STK32A: variants seen among roughly 807,000 people sequenced by gnomAD.
The protein encoded by STK32A is serine/threonine kinase 32A, also known as serine/threonine-protein kinase 32A.
STK32A carries 41 observed loss-of-function variants against 53.2 expected under a neutral mutation model. That is an observed-to-expected ratio of 0.77 (90% confidence interval 0.60 to 1.00). The LOEUF (loss-of-function observed/expected upper bound fraction) is 1.00. STK32A is among the 50% of genes least tolerant of loss of function. STK32A has a pLI of 0.00. For synonymous variants in STK32A, 166 were observed against 162.8 expected (o/e 1.02, Z -0.15); for missense variants, 458 against 485.8 (o/e 0.94, Z 0.54).
intron 1 of STK32A, among the ~76,000 whole-genome samples, chr5:147,238,169 A>T (rs939254601): frequency 6.6e-6 from 1 of 152,250 alleles, no homozygotes; most frequent in African/African-American, 2.4e-5. Flanking sequence ...TTTGTACAAA[A>T]TCTAGACCTT....
chr5:147,389,043 T>C (rs1051984991), downstream of STK32A, among the ~76,000 whole-genome samples: 1 of 152,186 alleles, frequency 6.6e-6, no homozygotes, highest in African/African-American at 2.4e-5. Flanking sequence ...AATTAATTCT[T>C]TATGCACTTA....
chr5:147,276,227 C>T (rs775104916), intron 2 of STK32A, among the ~76,000 whole-genome samples: 17 of 152,084 alleles, frequency 1.1e-4, no homozygotes, highest in East Asian at 1.9e-4. Flanking sequence ...ATTCTGACCA[C>T]AACCCAAGGT....
chr5:147,373,115 T>G (rs2152004382), intron 9 of STK32A, 54 bp from the exon 10 acceptor site: 1 of 1,599,460 alleles, frequency 6.3e-7, no homozygotes, highest in East Asian at 2.2e-5. Flanking sequence ...TGTATGATTT[T>G]TTTTTGTCCT....
downstream of STK32A, among the ~76,000 whole-genome samples, chr5:147,389,951 G>A (rs1306187854): frequency 6.6e-6 from 1 of 152,186 alleles, no homozygotes; most frequent in Non-Finnish European, 1.5e-5. Context: ...AAGAAGCAAC[G>A]CTCTGATGTC....
chr5:147,298,375 A>T (rs1752970002), intron 4 of STK32A, among the ~76,000 whole-genome samples: 1 of 152,200 alleles, frequency 6.6e-6, no homozygotes, highest in Non-Finnish European at 1.5e-5. Flanking sequence ...CTCTCACTCA[A>T]TTTGGTTCTA....
chr5:147,252,112 A>G (rs550942203), intron 2 of STK32A, among the ~76,000 whole-genome samples: 2 of 152,166 alleles, frequency 1.3e-5, no homozygotes, highest in South Asian at 4.2e-4. Flanking sequence ...GCACCACTGC[A>G]CACTAGCCTG....
At position 147,386,331 on chromosome 5, in the gene STK32A, C is replaced by G. The variant is rs1384102547; in HGVS notation, c.*2348C>G. Reference sequence around the variant, plus strand: ...GTAACCCCACGAGTGTCAGGGACTACTTGCATGTTTACTTCTATCCTTCAT... The same window carrying G: ...GTAACCCCACGAGTGTCAGGGACTAGTTGCATGTTTACTTCTATCCTTCAT... On this transcript the variant is annotated 3_prime_UTR_variant, in exon 13 of 13. Coordinates refer to ENST00000397936, the MANE Select transcript of STK32A (RefSeq NM_001112724.2). 1 of 152,220 alleles carries G rather than the reference C, an allele frequency of 6.6e-6. No individual in the cohort carries two copies. The highest frequency in any genetic ancestry group is 1.9e-4 in the East Asian group (1 of 5,202). The allele number at this position is 152,220 out of a possible 1,614,324, so 9.4% of individuals were successfully genotyped here. A position where few individuals can be genotyped will look rare whatever the true frequency, so the allele number is the denominator to read the frequency against.
intron 6 of STK32A, among the ~76,000 whole-genome samples, chr5:147,347,356 T>A (rs1581122848): frequency 6.7e-6 from 1 of 148,898 alleles, no homozygotes; most frequent in Non-Finnish European, 1.5e-5. Flanking sequence ...TCTCCTAGAG[T>A]GGTAAATTAG....
intron 4 of STK32A, among the ~76,000 whole-genome samples, chr5:147,288,090 A>G (rs1011793966): frequency 1.3e-5 from 2 of 152,200 alleles, no homozygotes; most frequent in African/African-American, 4.8e-5. Flanking sequence ...ATAACATGAC[A>G]TATAACCTAT....
intron 2 of STK32A, among the ~76,000 whole-genome samples, chr5:147,261,352 G>T (rs1339889771): frequency 6.6e-6 from 1 of 152,194 alleles, no homozygotes; most frequent in Non-Finnish European, 1.5e-5. Context: ...AGGGGAAGGG[G>T]TTCTTATCTC....
Position 147,340,821 on chromosome 5 carries a change from G to T in STK32A, c.435-2185G>T, listed in dbSNP as rs150305196. ...GCTTTCTCATCCTCTCCATCCCGAG[G>T]GAACTATGTCTCATTTATCTTTAGG... On this transcript the variant is annotated intron_variant, in intron 5 of 12. Transcript: ENST00000397936. Among the ~76,000 whole-genome samples, 157 of 152,114 alleles carry T rather than the reference G, an allele frequency of 1.0e-3. 1 individual carries two copies. The highest frequency in any genetic ancestry group is 3.7e-3 in the African/African-American group (152 of 41,514).
intron 2 of STK32A, among the ~76,000 whole-genome samples, chr5:147,253,614 TCAAGGTGCTGGGA>T (rs887399259): frequency 1.3e-5 from 2 of 152,120 alleles, no homozygotes; most frequent in African/African-American, 4.8e-5. Context: ...CCTCAGCCTC[TCAAGGTGCTGGGA>T]TTACAGGCAT....
At chr5:147,370,509 T>C in intron 8 of STK32A, 145 bp from the exon 9 acceptor site, 1 of 475,096 alleles carries the variant, frequency 2.1e-6, no homozygotes, top group Non-Finnish European at 3.8e-6. Flanking sequence ...CACCTACACA[T>C]ATGGCAACGC....
rs557028072 is a variant in STK32A at position 147,383,273 on chromosome 5, T to C, written c.1033-168T>C. On this transcript the variant is annotated intron_variant, in intron 11 of 12. Transcript: ENST00000397936. ...GACAGATTCCTGGTGCTTCCTGTTT[T>C]GCCAGCTTCCCGGAATCTTCTTCAC... The C allele has an allele frequency of 2.0e-4, 128 of 641,510 alleles. 1 individual carries two copies. The South Asian group carries it at 2.5e-3, about 12-fold the overall frequency. The allele number at this position is 641,510 out of a possible 1,614,324, so 39.7% of individuals were successfully genotyped here.
chr5:147,291,394 C>T (rs1054238103), intron 4 of STK32A, among the ~76,000 whole-genome samples: 4 of 152,016 alleles, frequency 2.6e-5, no homozygotes, highest in African/African-American at 9.7e-5. Context: ...TCGCAGGGTG[C>T]CACAAATGAG....
At chr5:147,334,009 C>T (rs1754997998) in intron 5 of STK32A, among the ~76,000 whole-genome samples, 1 of 151,976 alleles carries the variant, frequency 6.6e-6, no homozygotes. Context: ...TGAACAGCTC[C>T]TATTATAATG....
chr5:147,270,434 T>A (rs4235726), intron 2 of STK32A, among the ~76,000 whole-genome samples: 4 of 151,748 alleles, frequency 2.6e-5, no homozygotes, highest in South Asian at 2.1e-4. Flanking sequence ...GGCTGGTCTC[T>A]AACTCCTGGG....
intron 5 of STK32A, among the ~76,000 whole-genome samples, chr5:147,341,488 T>G (rs926642186): frequency 6.6e-6 from 1 of 152,104 alleles, no homozygotes; most frequent in Admixed American, 6.6e-5. Flanking sequence ...ATTAGAAAAA[T>G]TTTTTGAGTA....
At chr5:147,330,234 T>C (rs576489740) in intron 5 of STK32A, among the ~76,000 whole-genome samples, 7 of 152,298 alleles carry the variant, frequency 4.6e-5, no homozygotes, top group African/African-American at 1.7e-4. Context: ...TCAGTCAGAA[T>C]GTTGGCAGGA....
Sources: allele counts gnomAD v4.1 joint callset (sites outside exome capture counted in the v4.1 genomes callset), GRCh38; gene constraint gnomAD v4.1.1; transcripts MANE v1.5; gene names NCBI Gene and HGNC (gene_info 2026-07-23, HGNC 2026-07-21).